PRRC2C: variants seen among roughly 807,000 people sequenced by gnomAD.
PRRC2C encodes protein PRRC2C.
PRRC2C carries 72 observed loss-of-function variants against 317.2 expected under a neutral mutation model. That is an observed-to-expected ratio of 0.23 (90% CI 0.19 to 0.28). The LOEUF (loss-of-function observed/expected upper bound fraction) is 0.28, where lower values mean the gene tolerates loss of function less well. Among genes scored for constraint, PRRC2C ranks in the 10% least tolerant of loss-of-function variants. The probability of loss-of-function intolerance (pLI) is 1.00; values close to 1 mark genes in which losing one functional copy is unlikely to be tolerated. For synonymous variants in PRRC2C, 1,296 were observed against 1,205.9 expected (o/e 1.07, Z -1.55); for missense variants, 3,074 against 3,459.7 (o/e 0.89, Z 2.80).
At chr1:171,578,974 A>G (rs931491471) in intron 26 of PRRC2C, among the ~76,000 whole-genome samples, 10 of 152,214 alleles carry the variant, frequency 6.6e-5, no homozygotes. Context: ...TCAATCCTCT[A>G]AATATTTTGC....
chr1:171,551,737 G>T (rs1456422618), intron 18 of PRRC2C, among the ~76,000 whole-genome samples: 2 of 152,126 alleles, frequency 1.3e-5, no homozygotes, highest in Admixed American at 1.3e-4. Context: ...TCCATTTCTT[G>T]TTTTTGTCAG....
chr1:171,528,495 G>A (rs1387569938), intron 11 of PRRC2C, among the ~76,000 whole-genome samples: 2 of 151,212 alleles, frequency 1.3e-5, no homozygotes, highest in Non-Finnish European at 2.9e-5. Context: ...GTTTCACCGT[G>A]TTAGCCAGGA....
intron 6 of PRRC2C, among the ~76,000 whole-genome samples, chr1:171,519,522 A>C (rs1033835672): frequency 6.6e-6 from 1 of 152,086 alleles, no homozygotes; most frequent in African/African-American, 2.4e-5. Context: ...TGTTGATACT[A>C]TCTTTAATTT....
intron 10 of PRRC2C, among the ~76,000 whole-genome samples, chr1:171,526,182 A>T (rs1228956573): frequency 6.6e-6 from 1 of 152,134 alleles, no homozygotes; most frequent in Non-Finnish European, 1.5e-5. Context: ...ATTTTGTTCC[A>T]TTATGTTTTA....
chr1:171,523,149 C>T, intron 7 of PRRC2C, 72 bp from the exon 8 acceptor site: 2 of 1,356,044 alleles, frequency 1.5e-6, no homozygotes, highest in African/African-American at 2.9e-5. Flanking sequence ...GAACTAAATT[C>T]CAATCTTTTA....
intron 20 of PRRC2C, among the ~76,000 whole-genome samples, chr1:171,562,584 T>G (rs1018452412): frequency 6.6e-5 from 10 of 152,230 alleles, no homozygotes; most frequent in Non-Finnish European, 1.3e-4. Flanking sequence ...CAAGATTTAC[T>G]AAAGTGTTAA....
Position 171,514,588 on chromosome 1 carries a change from G to T in PRRC2C, c.343G>T (p.Glu115Ter). The T allele has an allele frequency of 6.4e-7, 1 of 1,561,924 alleles. No individual in the cohort carries two copies. Among genetic ancestry groups the T allele is most frequent in the East Asian group, 2.4e-5 (1 of 41,532 alleles). The change falls in exon 4 of 35, where the codon GAA (glutamate) becomes TAA (stop). Residue 115 changes from glutamate (E) to a stop codon, truncating the protein, a stop_gained. Transcript: ENST00000647382. LOFTEE classifies it high-confidence loss of function. The stretch of plus-strand genomic sequence containing the variant: ...AAAACCTGGGGTTGCAGCTCCCCCA[G>T]AAGTAGCACCTGCTCCCAAATCATG... Reference protein sequence around the residue: ...QPKPGVAAPPEVAPAPKSWAS... With the variant: ...QPKPGVAAPP
Position 171,532,520 on chromosome 1 carries a change from C to G in PRRC2C, c.1432C>G (p.Gln478Glu), listed in dbSNP as rs772042594. Residue 478 changes from glutamine to glutamate, a missense_variant, in exon 12 of 35, where the codon CAA becomes GAA. This residue lies in a region of PRRC2C where 1,320 missense variants were observed against 1,395.7 expected (regional missense o/e 0.95). Transcript: ENST00000647382. ...REEEERRMEE[Q>E]RKAACAEKLK... ...AGAGGAAGAGCGAAGAATGGAAGAACAAAGGAAGGCAGCTTGTGCGGAGAA... is the reference window on the plus strand; with the variant it reads ...AGAGGAAGAGCGAAGAATGGAAGAAGAAAGGAAGGCAGCTTGTGCGGAGAA... 6.2e-7 allele frequency: 1 copy of G among 1,604,584 alleles called. No individual in the cohort carries two copies. The highest frequency in any genetic ancestry group is 8.5e-7 in the Non-Finnish European group (1 of 1,175,652).
At position 171,587,041 on chromosome 1, in the gene PRRC2C, T is replaced by G. The variant is rs1296573531; in HGVS notation, c.7788T>G (p.Pro2596=). Residue 2596 remains proline (P), a synonymous_variant, in exon 31 of 35, where the codon CCT becomes CCG. Transcript: ENST00000647382. ...TACCAGCATCGCAGCTTTCCTTGCC[T>G]AATTTTGGATCTACAGGGCAACCTC... ...VPLPASQLSL[P]NFGSTGQPLI... is the part of the protein sequence containing the mutation. 3 of 1,611,252 alleles carry G rather than the reference T, an allele frequency of 1.9e-6. No homozygotes were observed. Among genetic ancestry groups the G allele is most frequent in the Non-Finnish European group, 2.5e-6 (3 of 1,178,600 alleles).
rs776496325 is a variant in PRRC2C at position 171,584,472 on chromosome 1, G to C, written c.7695G>C (p.Gln2565His). The change falls in exon 30 of 35, where the codon CAG becomes CAC. Residue 2565 changes from glutamine to histidine, a missense_variant. By Grantham distance (24) the Gln-to-His change is conservative. Coordinates refer to ENST00000647382, the MANE Select transcript of PRRC2C (RefSeq NM_001387844.1). ...ATCTTTATTCTGGACAAGTACAACA[G>C]CCTGGTCAGACAAATTTTTATAACA... is the stretch of plus-strand genomic sequence containing the variant. Reference protein sequence around the residue: ...ASNLYSGQVQQPGQTNFYNTA... With the variant: ...ASNLYSGQVQHPGQTNFYNTA... 1 of 1,595,154 alleles carries C rather than the reference G, an allele frequency of 6.3e-7. No homozygotes were observed. Among genetic ancestry groups the C allele is most frequent in the Non-Finnish European group, 8.5e-7 (1 of 1,170,032 alleles).
intron 31 of PRRC2C, 123 bp from the exon 32 acceptor site, chr1:171,587,525 G>A (rs577394758): frequency 1.5e-6 from 1 of 675,894 alleles, no homozygotes; most frequent in South Asian, 2.0e-5. Context: ...CCTAACTATA[G>A]GAGTTTTGTA....
chr1:171,528,611 C>A (rs143475290), intron 11 of PRRC2C, among the ~76,000 whole-genome samples: 2 of 152,058 alleles, frequency 1.3e-5, no homozygotes, highest in Non-Finnish European at 2.9e-5. Flanking sequence ...TTTTAGTGAA[C>A]TATTTATACT....
At chr1:171,543,378 G>A (rs115804746) in intron 16 of PRRC2C, among the ~76,000 whole-genome samples, 184 of 151,490 alleles carry the variant, frequency 1.2e-3, no homozygotes, top group African/African-American at 3.9e-3. Flanking sequence ...TATTTATTTA[G>A]TGTTAGCATT....
At chr1:171,516,039 C>T (rs1322418925) in intron 5 of PRRC2C, among the ~76,000 whole-genome samples, 180 bp downstream of exon 5, 1 of 152,188 alleles carries the variant, frequency 6.6e-6, no homozygotes, top group Non-Finnish European at 1.5e-5. Context: ...AACTTGAGAA[C>T]ATGTTAGAAA....
At position 171,525,687 on chromosome 1, in the gene PRRC2C, G is replaced by C. The variant is rs138565239; in HGVS notation, c.1200+722G>C. ...TGTGCTAAGTGGCGTAATCATAGAG[G>C]GTACAAAATAAATTCTTTGAGCATT... On this transcript the variant is annotated intron_variant, in intron 10 of 34. Coordinates refer to ENST00000647382, the MANE Select transcript of PRRC2C (RefSeq NM_001387844.1). 3.4e-4 allele frequency among the ~76,000 whole-genome samples: 52 copies of C among 152,212 alleles called. 2 individuals carry two copies. In the South Asian group the frequency reaches 5.0e-3, roughly 15 times the overall value.
chr1:171,529,154 T>A (rs1158992120), intron 11 of PRRC2C, among the ~76,000 whole-genome samples: 1 of 152,196 alleles, frequency 6.6e-6, no homozygotes, highest in African/African-American at 2.4e-5. Flanking sequence ...TTTTCTTTGC[T>A]TTCTATTCCT....
intron 11 of PRRC2C, among the ~76,000 whole-genome samples, chr1:171,529,065 C>T (rs1249841447): frequency 1.3e-5 from 2 of 152,168 alleles, no homozygotes; most frequent in African/African-American, 2.4e-5. Flanking sequence ...GCTGGAATTA[C>T]AGACTTGAGC....
intron 10 of PRRC2C, among the ~76,000 whole-genome samples, chr1:171,527,411 G>A (rs1021088765): frequency 4.6e-5 from 7 of 152,042 alleles, no homozygotes; most frequent in South Asian, 4.1e-4. Flanking sequence ...GGGATTACAC[G>A]TGTGAATCAC....
At chr1:171,579,702 A>T in intron 27 of PRRC2C, 126 bp from the exon 28 acceptor site, 1 of 1,304,216 alleles carries the variant, frequency 7.7e-7, no homozygotes, top group Non-Finnish European at 1.0e-6. Flanking sequence ...GTTTTGTTTT[A>T]AAATGGAGCT....
Sources: allele counts gnomAD v4.1 joint callset (sites outside exome capture counted in the v4.1 genomes callset), GRCh38; gene constraint gnomAD v4.1.1; regional missense constraint gnomAD v4.1.1; transcripts MANE v1.5; gene names NCBI Gene and HGNC (gene_info 2026-07-23, HGNC 2026-07-21).